Variants in IYD observed in about 807,000 individuals in gnomAD.
IYD encodes iodotyrosine deiodinase 1.
A neutral mutation model predicts 28.4 loss-of-function variants in IYD; 25 were observed. The ratio of observed to expected loss-of-function variants is 0.88; its 90% confidence interval spans 0.64 to 1.23. The LOEUF (loss-of-function observed/expected upper bound fraction) is 1.23, where lower values mean the gene tolerates loss of function less well. Ranked by LOEUF, IYD falls within the 50% of genes most tolerant of loss-of-function variation. The probability of loss-of-function intolerance (pLI) is 0.00; values close to 1 mark genes in which losing one functional copy is unlikely to be tolerated. For missense variants in IYD, 352 were observed against 357.9 expected, an observed-to-expected ratio of 0.98 and a Z score of 0.13; for synonymous variants, 140 against 130.8, an observed-to-expected ratio of 1.07 and a Z score of -0.48.
Position 150,398,267 on chromosome 6 carries a change from A to T in IYD, c.*30A>T. 6.2e-7 allele frequency: 1 copy of T among 1,608,042 alleles called. No individual in the cohort carries two copies. The highest frequency in any genetic ancestry group is 8.5e-7 in the Non-Finnish European group (1 of 1,175,178). ...GGCCCCCCAAGGGAGTGGCAGGGAG[A>T]TGGCGCCCCTGCTTTTCCCTGAGCC... On this transcript the variant is annotated 3_prime_UTR_variant, in exon 5 of 5. Transcript: ENST00000344419.
chr6:150,370,292 TGA>T (rs1777183316), intron 1 of IYD, among the ~76,000 whole-genome samples: 1 of 145,006 alleles, frequency 6.9e-6, no homozygotes, highest in Non-Finnish European at 1.5e-5. Flanking sequence ...TGTGCATGTG[TGA>T]GTGTGTGTGC....
rs1043099554 is a variant in IYD, at chr6:150,401,815, T to C, written c.*3578T>C. On this transcript the variant is annotated 3_prime_UTR_variant, in exon 5 of 5. Transcript: ENST00000344419. ...TTAAGAAAGTTGAAAATGGTTTGTG[T>C]CTTACTAATAGGACTCACCTGAAGA... 1 of 152,190 alleles carries C rather than the reference T, an allele frequency of 6.6e-6. No homozygotes were observed. The highest frequency in any genetic ancestry group is 2.4e-5 in the African/African-American group (1 of 41,446). 9.4% of individuals were successfully genotyped at this position (152,190 alleles called of 1,614,324 possible).
rs1398858948 is a variant in IYD, at chr6:150,404,077, C to T, written c.*5840C>T. ...CAGCACTCAGGGCACTGTCTCCCAG[C>T]GCTGGAGTACTGTCTTATGACCAGA... On this transcript the variant is annotated 3_prime_UTR_variant, in exon 5 of 5. Transcript: ENST00000344419. 3 of 152,190 alleles carry T rather than the reference C, an allele frequency of 2.0e-5. No individual in the cohort carries two copies. The highest frequency in any genetic ancestry group is 2.9e-5 in the Non-Finnish European group (2 of 68,024). 9.4% of individuals were successfully genotyped at this position (152,190 alleles called of 1,614,324 possible). A position where few individuals can be genotyped will look rare whatever the true frequency, so the allele number is the denominator to read the frequency against.
rs1778554355 is a variant in IYD at position 150,403,035 on chromosome 6, C to T, written c.*4798C>T. The T allele has an allele frequency of 6.6e-6, 1 of 152,184 alleles. No individual in the cohort carries two copies. The highest frequency in any genetic ancestry group is 2.4e-5 in the African/African-American group (1 of 41,444). The allele number at this position is 152,184 out of a possible 1,614,324, so 9.4% of individuals were successfully genotyped here. A position where few individuals can be genotyped will look rare whatever the true frequency, so the allele number is the denominator to read the frequency against. The stretch of plus-strand genomic sequence containing the variant: ...CTCCAACTTCTGGACTCAAGTGATC[C>T]TCCCACCTTAGCTTCCCAGGTAGCT... On this transcript the variant is annotated 3_prime_UTR_variant, in exon 5 of 5. Coordinates refer to ENST00000344419, the MANE Select transcript of IYD (RefSeq NM_203395.3).
At chr6:150,374,435 A>G (rs632829) in intron 1 of IYD, among the ~76,000 whole-genome samples, 108,630 of 152,090 alleles carry the variant, frequency 0.71, 40,104 homozygotes, top group Middle Eastern at 0.83. Context: ...CCTGAGACTC[A>G]GTAATTTATA....
intron 1 of IYD, among the ~76,000 whole-genome samples, chr6:150,374,162 G>A (rs1364948921): frequency 3.3e-5 from 5 of 152,156 alleles, no homozygotes; most frequent in African/African-American, 4.8e-5. Flanking sequence ...CATGGCTGAG[G>A]CCCCTGTAAC....
intron 1 of IYD, among the ~76,000 whole-genome samples, chr6:150,386,140 T>C (rs1482498854): frequency 6.6e-6 from 1 of 151,988 alleles, no homozygotes; most frequent in Non-Finnish European, 1.5e-5. Context: ...ATATTTACTT[T>C]TTCTACTATC....
intron 1 of IYD, chr6:150,384,317 A>G (rs1393694856): frequency 6.6e-6 from 1 of 152,226 alleles, no homozygotes; most frequent in Admixed American, 6.5e-5. Context: ...ATTAGATCCC[A>G]ACAATATTTT....
intron 1 of IYD, among the ~76,000 whole-genome samples, chr6:150,381,883 TTGA>T (rs566230437): frequency 6.6e-6 from 1 of 152,358 alleles, no homozygotes; most frequent in African/African-American, 2.4e-5. Context: ...TATTCTACTG[TTGA>T]TGAACATTTG....
At chr6:150,387,254 A>G (rs1481349058) in intron 1 of IYD, among the ~76,000 whole-genome samples, 2 of 152,000 alleles carry the variant, frequency 1.3e-5, no homozygotes, top group Non-Finnish European at 2.9e-5. Flanking sequence ...CCCTTGTAGC[A>G]GCTGTGTTTA....
At chr6:150,369,266 G>A in intron 1 of IYD, 57 bp downstream of exon 1, 1 of 1,533,064 alleles carries the variant, frequency 6.5e-7, no homozygotes, top group Non-Finnish European at 9.0e-7. Flanking sequence ...GATGATGAGT[G>A]TGAGTCAATG....
rs1582809375 is a variant in IYD, at chr6:150,400,358, A to G, written c.*2121A>G. The G allele has an allele frequency of 6.6e-6, 1 of 152,358 alleles. No homozygotes were observed. The highest frequency in any genetic ancestry group is 1.5e-5 in the Non-Finnish European group (1 of 68,032). The allele number at this position is 152,358 out of a possible 1,614,324, so 9.4% of individuals were successfully genotyped here. On this transcript the variant is annotated 3_prime_UTR_variant, in exon 5 of 5. Transcript: ENST00000344419. ...TCTTCAAATTTTTATTTTAAAAATT[A>G]TAATGCAAACATCTGGCCATCACCT...
At chr6:150,372,739 TTGTTATA>T (rs1320433640) in intron 1 of IYD, among the ~76,000 whole-genome samples, 1 of 69,084 alleles carries the variant, frequency 1.4e-5, no homozygotes, top group East Asian at 6.3e-4. Context: ...GTGACCATGC[TTGTTATA>T]CATGTGTATG....
intron 3 of IYD, 92 bp downstream of exon 3, chr6:150,392,596 A>G: frequency 9.8e-6 from 13 of 1,329,950 alleles, no homozygotes; most frequent in East Asian, 2.4e-5. Context: ...TGTAAGCGTG[A>G]AAAAGCTTGA....
intron 1 of IYD, among the ~76,000 whole-genome samples, chr6:150,378,096 C>T (rs1234630504): frequency 3.9e-5 from 6 of 152,166 alleles, no homozygotes; most frequent in Admixed American, 3.9e-4. Flanking sequence ...GAATTCTCTA[C>T]CTGAATTCCA....
rs536079140 is a variant in IYD at position 150,399,252 on chromosome 6, A to C, written c.*1015A>C. On this transcript the variant is annotated 3_prime_UTR_variant, in exon 5 of 5. Coordinates refer to ENST00000344419, the MANE Select transcript of IYD (RefSeq NM_203395.3). ...AAACATTCATAGCTTGAAATTGCCCATGGTGGGAGAGTTTACATCACAACC... is the reference window on the plus strand; with the variant it reads ...AAACATTCATAGCTTGAAATTGCCCCTGGTGGGAGAGTTTACATCACAACC... 3 of 152,230 alleles carry C rather than the reference A, an allele frequency of 2.0e-5. No individual in the cohort carries two copies. Among genetic ancestry groups the C allele is most frequent in the Non-Finnish European group, 4.4e-5 (3 of 68,062 alleles). 9.4% of individuals were successfully genotyped at this position (152,230 alleles called of 1,614,324 possible). A position where few individuals can be genotyped will look rare whatever the true frequency, so the allele number is the denominator to read the frequency against.
rs951636467 is a variant in IYD at position 150,404,727 on chromosome 6, A to G, written c.*6490A>G. 1 of 152,208 alleles carries G rather than the reference A, an allele frequency of 6.6e-6. No individual in the cohort carries two copies. Among genetic ancestry groups the G allele is most frequent in the Non-Finnish European group, 1.5e-5 (1 of 68,018 alleles). The allele number at this position is 152,208 out of a possible 1,614,324, so 9.4% of individuals were successfully genotyped here. A position where few individuals can be genotyped will look rare whatever the true frequency, so the allele number is the denominator to read the frequency against. On this transcript the variant is annotated 3_prime_UTR_variant, in exon 5 of 5. Transcript: ENST00000344419. ...AGAGATTTGTTTTATTTATTTGTTTACTAGTTTTATAAATAGGATAATAAA... is the reference window on the plus strand; with the variant it reads ...AGAGATTTGTTTTATTTATTTGTTTGCTAGTTTTATAAATAGGATAATAAA...
chr6:150,397,965 T>TATA, intron 4 of IYD, 90 bp from the exon 5 acceptor site: 1 of 1,244,218 alleles, frequency 8.0e-7, no homozygotes, highest in Non-Finnish European at 1.2e-6. Flanking sequence ...GAAGAGCAGG[T>TATA]ATAATCAGGA....
chr6:150,389,770 A>T, intron 2 of IYD: 1 of 526,034 alleles, frequency 1.9e-6, no homozygotes, highest in Non-Finnish European at 3.4e-6. Flanking sequence ...AATAGTTCAA[A>T]ACTTCTGAAA....
Sources: gnomAD v4.1 joint callset for allele counts (sites outside exome capture counted in the v4.1 genomes callset) on GRCh38, gnomAD v4.1.1 for gene constraint, MANE v1.5 for transcripts, NCBI Gene and HGNC (gene_info 2026-07-23, HGNC 2026-07-21) for gene names.